Variants in BICRAL observed in about 807,000 individuals in gnomAD.
The protein encoded by BICRAL is BRD4-interacting chromatin-remodeling complex-associated protein-like.
BICRAL carries 8 observed loss-of-function variants against 91.8 expected under a neutral mutation model. The ratio of observed to expected loss-of-function variants is 0.09; its 90% CI spans 0.05 to 0.16. The LOEUF (loss-of-function observed/expected upper bound fraction) is 0.16, where lower values mean the gene tolerates loss of function less well. Among genes scored for constraint, BICRAL ranks in the 10% least tolerant of loss-of-function variants. The pLI is 1.00. For missense variants in BICRAL, 1,038 were observed against 1,310.9 expected (o/e 0.79, Z 3.21); for synonymous variants, 445 against 491.1 (o/e 0.91, Z 1.24).
chr6:42,847,827 G>A (rs574459324), intron 6 of BICRAL, among the ~76,000 whole-genome samples: 3 of 148,904 alleles, frequency 2.0e-5, no homozygotes, highest in Non-Finnish European at 3.0e-5. Context: ...GGAGGCTGCG[G>A]CAGAAAATTG....
At chr6:42,852,661 C>CA (rs70990155) in intron 7 of BICRAL, among the ~76,000 whole-genome samples, 11,713 of 65,298 alleles carry the variant, frequency 0.18, 1,284 homozygotes, top group African/African-American at 0.35. Context: ...GACTCTGTCT[C>CA]AAAAAAAAAA....
chr6:42,819,792 C>T (rs1764089809), intron 2 of BICRAL, among the ~76,000 whole-genome samples: 1 of 152,038 alleles, frequency 6.6e-6, no homozygotes, highest in Non-Finnish European at 1.5e-5. Flanking sequence ...GAGTGTGACC[C>T]TTTAAAAAGC....
rs750586650 is a variant in BICRAL, at chr6:42,864,941, T to G, written c.2735T>G (p.Val912Gly). Residue 912 changes from valine (V) to glycine (G), a missense_variant, in exon 13 of 13, where the codon GTG becomes GGG. Around this residue, in one of 5 missense-constraint regions of BICRAL, gnomAD observed 294 missense variants for 292.6 expected, o/e 1.00. Coordinates refer to ENST00000314073, the MANE Select transcript of BICRAL (RefSeq NM_001393499.1). ...RALKFDKVGLVQYQSTSEEKA... is the reference protein window; with the variant it reads ...RALKFDKVGLGQYQSTSEEKA... The stretch of plus-strand genomic sequence containing the variant: ...CTGAAATTTGACAAAGTGGGCTTAG[T>G]GCAGTACCAGAGCACGTCTGAAGAG... 2.5e-5 allele frequency: 40 copies of G among 1,614,000 alleles called. 1 individual carries two copies. Among genetic ancestry groups the G allele is most frequent in the Admixed American group, 5.0e-5 (3 of 60,000 alleles).
intron 6 of BICRAL, among the ~76,000 whole-genome samples, chr6:42,851,062 G>C (rs1364193181): frequency 1.3e-5 from 2 of 150,540 alleles, no homozygotes; most frequent in East Asian, 3.9e-4. Flanking sequence ...GCATGCACCT[G>C]TAATCCCAGC....
chr6:42,790,249 C>G (rs1044710527), intron 1 of BICRAL, among the ~76,000 whole-genome samples: 3 of 151,996 alleles, frequency 2.0e-5, no homozygotes, highest in Non-Finnish European at 4.4e-5. Context: ...CCTGGACCTC[C>G]TGGGATCAAG....
At chr6:42,824,065 G>A (rs1280615572) in intron 5 of BICRAL, among the ~76,000 whole-genome samples, 2 of 151,616 alleles carry the variant, frequency 1.3e-5, no homozygotes, top group Non-Finnish European at 2.9e-5. Flanking sequence ...GTGAAACCCC[G>A]TCTCTACTAA....
intron 6 of BICRAL, among the ~76,000 whole-genome samples, chr6:42,844,405 A>G (rs1228709587): frequency 6.8e-6 from 1 of 146,078 alleles, no homozygotes; most frequent in African/African-American, 2.5e-5. Context: ...GCTACTCGGG[A>G]GGCTGAGGCA....
At chr6:42,801,967 A>G (rs1181754019) in intron 1 of BICRAL, among the ~76,000 whole-genome samples, 1 of 152,134 alleles carries the variant, frequency 6.6e-6, no homozygotes, top group Non-Finnish European at 1.5e-5. Flanking sequence ...ATAAATCTCC[A>G]TTTTGTTTAA....
chr6:42,811,646 G>A (rs1247702574), intron 2 of BICRAL, among the ~76,000 whole-genome samples: 1 of 150,216 alleles, frequency 6.7e-6, no homozygotes, highest in Non-Finnish European at 1.5e-5. Flanking sequence ...AAAAGCCTAC[G>A]TTCCCAGGGT....
intron 1 of BICRAL, among the ~76,000 whole-genome samples, chr6:42,793,432 G>C (rs1763335691): frequency 6.7e-6 from 1 of 150,010 alleles, no homozygotes. Context: ...GATTACAGGT[G>C]TGAGCCACCA....
chr6:42,857,280 A>C (rs373117855), intron 10 of BICRAL, 44 bp downstream of exon 10: 2 of 1,535,502 alleles, frequency 1.3e-6, no homozygotes, highest in Non-Finnish European at 1.8e-6. Flanking sequence ...ATACCAGGAA[A>C]CCCTCCATGG....
At position 42,820,027 on chromosome 6, in the gene BICRAL, ACTC is replaced by A. The variant is rs1393248775; in HGVS notation, c.-5-1990_-5-1988del. ...ATTATAAAAGTGTTCTGTTTGCACTACTCAAGTAGTTTGTCACTCTAAACTTAG... is the reference window on the plus strand; with the variant it reads ...ATTATAAAAGTGTTCTGTTTGCACTAAAGTAGTTTGTCACTCTAAACTTAG... On this transcript the variant is annotated intron_variant, in intron 2 of 12. Transcript: ENST00000314073. Among the ~76,000 whole-genome samples, 8 of 152,214 alleles carry A rather than the reference ACTC, an allele frequency of 5.3e-5. No homozygotes were observed. In the East Asian group the frequency reaches 1.3e-3, roughly 26 times the overall value.
At chr6:42,808,634 C>G (rs1763777196) in intron 1 of BICRAL, among the ~76,000 whole-genome samples, 1 of 152,042 alleles carries the variant, frequency 6.6e-6, no homozygotes, top group Admixed American at 6.6e-5. Context: ...AAACTTTTTT[C>G]TTGCAGTTGA....
chr6:42,829,735 A>G lies in BICRAL; in HGVS notation c.1402A>G (p.Thr468Ala). Residue 468 changes from threonine to alanine, a missense_variant, in exon 6 of 13, where the codon ACT (threonine) becomes GCT (alanine). Around this residue, in one of 5 missense-constraint regions of BICRAL, gnomAD observed 532 missense variants for 724.9 expected, o/e 0.73. Coordinates refer to ENST00000314073, the MANE Select transcript of BICRAL (RefSeq NM_001393499.1). The stretch of plus-strand genomic sequence containing the variant: ...TGGACCGATGCTTAACAACCAGAAT[A>G]CTGCTGTCCACTTAGTGTCTGGGCA... ...YTGPMLNNQN[T>A]AVHLVSGQTF... The G allele has an allele frequency of 1.9e-6, 3 of 1,614,132 alleles. No individual in the cohort carries two copies. Among genetic ancestry groups the G allele is most frequent in the Non-Finnish European group, 2.5e-6 (3 of 1,179,990 alleles).
rs530375120 is a variant in BICRAL at position 42,859,391 on chromosome 6, C to CA, written c.2255-859dup. Among the ~76,000 whole-genome samples the CA allele has an allele frequency of 3.9e-3, 475 of 122,738 alleles. 1 individual carries two copies. Among genetic ancestry groups the CA allele is most frequent in the East Asian group, 6.1e-3 (25 of 4,072 alleles). 80.5% of individuals were successfully genotyped at this position (122,738 alleles called of 152,430 possible). On this transcript the variant is annotated intron_variant, in intron 10 of 12. Coordinates refer to ENST00000314073, the MANE Select transcript of BICRAL (RefSeq NM_001393499.1). ...TGAGCGACAGAGCAAGACTCTGTCTCAAAAAAAAAAAACCCACAGTGGGTG... is the reference window on the plus strand; with the variant it reads ...TGAGCGACAGAGCAAGACTCTGTCTCAAAAAAAAAAAAACCCACAGTGGGTG...
At chr6:42,808,154 G>A (rs1006087658) in intron 1 of BICRAL, among the ~76,000 whole-genome samples, 5 of 148,322 alleles carry the variant, frequency 3.4e-5, no homozygotes, top group African/African-American at 5.0e-5. Flanking sequence ...TTTTTAATAC[G>A]GAGTTTTGCT....
intron 1 of BICRAL, among the ~76,000 whole-genome samples, chr6:42,760,625 C>G (rs967109523): frequency 6.6e-6 from 1 of 151,960 alleles, no homozygotes. Context: ...AGGCTGGTCT[C>G]GAACTCCTGG....
chr6:42,785,948 A>G (rs1763094152), intron 1 of BICRAL, among the ~76,000 whole-genome samples: 1 of 152,114 alleles, frequency 6.6e-6, no homozygotes, highest in African/African-American at 2.4e-5. Context: ...TCAGCTACTC[A>G]GGAGGCTGAG....
intron 1 of BICRAL, among the ~76,000 whole-genome samples, chr6:42,765,564 G>A (rs1762619011): frequency 6.6e-6 from 1 of 152,112 alleles, no homozygotes; most frequent in African/African-American, 2.4e-5. Context: ...TTCCCTTCAG[G>A]TAATAGAAAC....
Sources: allele counts gnomAD v4.1 joint callset (sites outside exome capture counted in the v4.1 genomes callset), GRCh38; gene constraint gnomAD v4.1.1; regional missense constraint gnomAD v4.1.1; transcripts MANE v1.5; gene names NCBI Gene and HGNC (gene_info 2026-07-23, HGNC 2026-07-21).